The following HOPX variants were observed in gnomAD, a reference collection of about 807,000 sequenced individuals.
HOPX encodes HOP homeobox.
HOPX carries 5 observed loss-of-function variants against 11.8 expected under a neutral mutation model. That is an observed-to-expected ratio of 0.43 (90% confidence interval 0.22 to 0.89). The LOEUF is 0.89. HOPX is among the 40% of genes least tolerant of loss of function. The probability of loss-of-function intolerance (pLI) is 0.28; values close to 1 mark genes in which losing one functional copy is unlikely to be tolerated. For synonymous variants in HOPX, 49 were observed against 49.7 expected (o/e 0.99, Z 0.06); for missense variants, 119 against 120.0 (o/e 0.99, Z 0.04).
chr4:56,658,239 G>C (rs938390408), intron 1 of HOPX, among the ~76,000 whole-genome samples: 5 of 151,744 alleles, frequency 3.3e-5, no homozygotes, highest in Admixed American at 6.6e-5. Context: ...CTCTTTTTTG[G>C]TTATTTAATT....
chr4:56,653,013 T>C (rs909525277), intron 3 of HOPX, among the ~76,000 whole-genome samples: 1 of 152,124 alleles, frequency 6.6e-6, no homozygotes, highest in Non-Finnish European at 1.5e-5. Context: ...GAAGACACTT[T>C]CTTTTTGTAA....
At chr4:56,660,807 G>A (rs1718074414) in intron 1 of HOPX, among the ~76,000 whole-genome samples, 1 of 152,168 alleles carries the variant, frequency 6.6e-6, no homozygotes, top group African/African-American at 2.4e-5. Context: ...ATAAACACTG[G>A]TGAACCCCGC....
At chr4:56,664,786 C>G (rs1718344419) in intron 1 of HOPX, 2 of 152,182 alleles carry the variant, frequency 1.3e-5, no homozygotes, top group Admixed American at 1.3e-4. Flanking sequence ...TCCTTCCTCA[C>G]CACCATTCCC....
chr4:56,669,563 G>A (rs971682998), intron 1 of HOPX, among the ~76,000 whole-genome samples: 22 of 151,984 alleles, frequency 1.4e-4, no homozygotes, highest in Admixed American at 1.3e-4. Context: ...GGAGGCTGAG[G>A]CAGGAGAATT....
chr4:56,648,813 G>A lies in HOPX; in HGVS notation c.199-16C>T, dbSNP rs748500340. The A allele has an allele frequency of 4.4e-6, 7 of 1,599,858 alleles. No individual in the cohort carries two copies. In the African/African-American group the frequency reaches 5.4e-5, roughly 12 times the overall value. On this transcript the variant is annotated splice_polypyrimidine_tract_variant and intron_variant, in intron 3 of 3. Coordinates refer to ENST00000420433, the MANE Select transcript of HOPX (RefSeq NM_032495.6). ...TAAACCATTTCTGGAAGAGAGAAAT[G>A]AGAAAAAATATTTGTCACATACAGA... is the stretch of plus-strand genomic sequence containing the variant.
intron 2 of HOPX, 48 bp downstream of exon 2, chr4:56,657,727 G>T: frequency 2.5e-6 from 2 of 808,490 alleles, no homozygotes; most frequent in Non-Finnish European, 2.1e-6. Context: ...CCCATTGCCC[G>T]TACCTTTGAC....
chr4:56,665,493 C>T (rs951252955), intron 1 of HOPX: 1 of 152,182 alleles, frequency 6.6e-6, no homozygotes, highest in Non-Finnish European at 1.5e-5. Context: ...TCAACAAGGA[C>T]TAGCCAAAAT....
chr4:56,668,454 C>A (rs1454345840), intron 1 of HOPX, among the ~76,000 whole-genome samples: 3 of 152,382 alleles, frequency 2.0e-5, no homozygotes, highest in East Asian at 1.9e-4. Flanking sequence ...CCCTACCCAA[C>A]CACCAAGTGG....
Position 56,656,017 on chromosome 4 carries a change from G to T in HOPX, c.43-5C>A. On this transcript the variant is annotated splice_polypyrimidine_tract_variant and splice_region_variant and intron_variant, in intron 2 of 3. Coordinates refer to ENST00000420433, the MANE Select transcript of HOPX (RefSeq NM_032495.6). Reference sequence around the variant, plus strand: ...CGCCGACATGGTCCCTGCGCGCTGCGGGGCAGGGAGAAGCGGCGGCGGTGA... The same window carrying T: ...CGCCGACATGGTCCCTGCGCGCTGCTGGGCAGGGAGAAGCGGCGGCGGTGA... The T allele has an allele frequency of 6.4e-7, 1 of 1,570,642 alleles. No homozygotes were observed.
At chr4:56,656,527 G>C in intron 2 of HOPX, 3 of 970,616 alleles carry the variant, frequency 3.1e-6, no homozygotes, top group Non-Finnish European at 3.7e-6. Context: ...TGTCTCCGCA[G>C]TGGGTTGGCG....
chr4:56,680,043 C>A (rs539583551), intron 1 of HOPX: 112 of 152,214 alleles, frequency 7.4e-4, no homozygotes, highest in African/African-American at 2.6e-3. Context: ...AGTTTGGTGG[C>A]TAAGAAGTGC....
intron 1 of HOPX, among the ~76,000 whole-genome samples, chr4:56,670,231 C>T (rs1718663099): frequency 6.6e-6 from 1 of 152,150 alleles, no homozygotes; most frequent in Non-Finnish European, 1.5e-5. Flanking sequence ...CACAGCCACG[C>T]ACTCAGGGCT....
At chr4:56,666,821 TC>T (rs1718464307) in intron 1 of HOPX, among the ~76,000 whole-genome samples, 2 of 152,148 alleles carry the variant, frequency 1.3e-5, no homozygotes, top group Admixed American at 1.3e-4. Flanking sequence ...GAAAAAGTTT[TC>T]CCGAGAAAGA....
At chr4:56,655,781 G>T in intron 3 of HOPX, 76 bp downstream of exon 3, 6 of 1,508,064 alleles carry the variant, frequency 4.0e-6, no homozygotes, top group East Asian at 2.5e-5. Flanking sequence ...AGGCGCGGAC[G>T]AACAGGACCG....
At chr4:56,649,142 A>G (rs557815567) in intron 3 of HOPX, 18 of 187,632 alleles carry the variant, frequency 9.6e-5, no homozygotes, top group African/African-American at 3.7e-4. Context: ...GTATTTTGTT[A>G]CTTTCACAGA....
chr4:56,673,731 G>A (rs1057000650), intron 1 of HOPX, among the ~76,000 whole-genome samples: 15 of 151,518 alleles, frequency 9.9e-5, no homozygotes, highest in African/African-American at 2.2e-4. Context: ...TGTGTGTGTA[G>A]TCTCGCTCTG....
chr4:56,656,912 AG>A (rs1412655986), intron 2 of HOPX, among the ~76,000 whole-genome samples: 1 of 152,188 alleles, frequency 6.6e-6, no homozygotes, highest in African/African-American at 2.4e-5. Context: ...TGCAAGATGG[AG>A]CCACAATCCA....
chr4:56,659,792 G>A (rs59615725), intron 1 of HOPX, among the ~76,000 whole-genome samples: 25,078 of 152,108 alleles, frequency 0.16, 3,319 homozygotes, highest in African/African-American at 0.36. Flanking sequence ...TTCTTATGCC[G>A]TATACCTGCT....
At chr4:56,663,744 C>T (rs934389875) in intron 1 of HOPX, 5 of 152,176 alleles carry the variant, frequency 3.3e-5, no homozygotes, top group Non-Finnish European at 7.3e-5. Context: ...CTCGGCCTCC[C>T]AAAGTGCTGG....
Sources: gnomAD v4.1 joint callset for allele counts (sites outside exome capture counted in the v4.1 genomes callset) on GRCh38, gnomAD v4.1.1 for gene constraint, MANE v1.5 for transcripts, NCBI Gene and HGNC (gene_info 2026-07-23, HGNC 2026-07-21) for gene names.